The following PIEZO2 variants were observed in gnomAD, a reference collection of about 807,000 sequenced individuals.
PIEZO2 encodes piezo-type mechanosensitive ion channel component 2.
Under a neutral mutation model 337.3 loss-of-function variants are expected in PIEZO2, and 172 were observed. The ratio of observed to expected loss-of-function variants is 0.51; its 90% CI spans 0.45 to 0.58. The LOEUF (loss-of-function observed/expected upper bound fraction) is 0.58, where lower values mean the gene tolerates loss of function less well. PIEZO2 is among the 20% of genes least tolerant of loss of function. The pLI is 0.00. For missense variants in PIEZO2, 3,028 were observed against 3,391.3 expected (o/e 0.89, Z 2.66); for synonymous variants, 1,251 against 1,228.5 (o/e 1.02, Z -0.38).
chr18:11,139,676 TACTC>T (rs959484803), intron 1 of PIEZO2, among the ~76,000 whole-genome samples: 3 of 152,340 alleles, frequency 2.0e-5, no homozygotes, highest in Admixed American at 2.0e-4. Context: ...AGACACTTGT[TACTC>T]AAAGAAATGG....
intron 3 of PIEZO2, among the ~76,000 whole-genome samples, chr18:10,912,727 A>C (rs949714270): frequency 1.3e-5 from 2 of 152,204 alleles, no homozygotes; most frequent in Admixed American, 6.5e-5. Context: ...AATTCTCTGG[A>C]CTTCTCTAAG....
intron 7 of PIEZO2, 45 bp from the exon 8 acceptor site, chr18:10,807,319 T>C: frequency 2.7e-6 from 4 of 1,497,752 alleles, no homozygotes; most frequent in Non-Finnish European, 3.6e-6. Flanking sequence ...CAATAAGCTA[T>C]ATGTCTCCAA....
intron 1 of PIEZO2, among the ~76,000 whole-genome samples, chr18:11,123,303 T>C (rs149252935): frequency 2.0e-5 from 3 of 152,354 alleles, no homozygotes; most frequent in Non-Finnish European, 2.9e-5. Context: ...AAAGTGCTAA[T>C]TTAAATAGGG....
rs184107941 is a variant in PIEZO2 at position 10,876,221 on chromosome 18, G to C, written c.330-4806C>G. Among the ~76,000 whole-genome samples the C allele has an allele frequency of 3.8e-3, 572 of 152,212 alleles. 3 individuals carry two copies. The highest frequency in any genetic ancestry group is 6.5e-3 in the Non-Finnish European group (439 of 68,008). ...AAACAAAACAAAACAAGACAAAAGA[G>C]AAAAAAGAAACAGTCATTGGTCCAG... On this transcript the variant is annotated intron_variant, in intron 4 of 55. Transcript: ENST00000674853.
intron 1 of PIEZO2, among the ~76,000 whole-genome samples, chr18:11,113,258 AC>A (rs1359216835): frequency 6.6e-6 from 1 of 152,166 alleles, no homozygotes; most frequent in Non-Finnish European, 1.5e-5. Context: ...ACAGATGCAC[AC>A]CGTATTTACC....
rs961261804 is a variant in PIEZO2 at position 11,105,420 on chromosome 18, C to A, written c.65-39198G>T. On this transcript the variant is annotated intron_variant, in intron 1 of 55. Coordinates refer to ENST00000674853, the MANE Select transcript of PIEZO2 (RefSeq NM_001378183.1). This position sits in a 1 kb window ranked among gnomAD's most constrained non-coding sequence, Gnocchi z 4.3. ...CTATGGATATGTAATAGCTCAGAAA[C>A]GCATTCCAGCACCTCACATCTTCAT... 6.6e-6 allele frequency among the ~76,000 whole-genome samples: 1 copy of A among 152,136 alleles called. No homozygotes were observed. Among genetic ancestry groups the A allele is most frequent in the Non-Finnish European group, 1.5e-5 (1 of 68,044 alleles).
At position 10,715,665 on chromosome 18, in the gene PIEZO2, G is replaced by A. The variant is rs2035982407; in HGVS notation, c.5241C>T (p.Thr1747=). 6.5e-7 allele frequency: 1 copy of A among 1,532,310 alleles called. No homozygotes were observed. Among genetic ancestry groups the A allele is most frequent in the Non-Finnish European group, 8.7e-7 (1 of 1,145,204 alleles). The allele number at this position is 1,532,310 out of a possible 1,614,324, so 94.9% of individuals were successfully genotyped here. The change falls in exon 38 of 56, where the codon ACC becomes ACT. Residue 1747 remains threonine, a synonymous_variant. Transcript: ENST00000674853. ...TVLRIERCML[T]REIKKGNVPT... The stretch of plus-strand genomic sequence containing the variant: ...GCAGTGTTACCTTCTTAATTTCTCT[G>A]GTCAGCATGCATCGTTCAATTCTCA...
intron 4 of PIEZO2, among the ~76,000 whole-genome samples, chr18:10,900,178 TACACAC>T (rs56708718): frequency 0.039 from 5,760 of 148,418 alleles, 128 homozygotes; most frequent in Middle Eastern, 0.099. Context: ...TTACTTTTGT[TACACAC>T]ACACACACAC....
intron 2 of PIEZO2, among the ~76,000 whole-genome samples, chr18:11,055,525 T>G (rs890620096): frequency 6.6e-6 from 1 of 152,224 alleles, no homozygotes; most frequent in African/African-American, 2.4e-5. Flanking sequence ...ATTCAAAATC[T>G]GGGGAAGAGA....
chr18:11,009,006 T>A lies in PIEZO2; in HGVS notation c.161-29346A>T, dbSNP rs907277069. On this transcript the variant is annotated intron_variant, in intron 2 of 55. Transcript: ENST00000674853. The surrounding 1 kb of genome is among the most constrained non-coding windows in gnomAD (Gnocchi z 4.6). ...ATCTTTTTATACAATAAAAATGGCA[T>A]TTTTACTGACTTCTCATATTATCCT... Among the ~76,000 whole-genome samples the A allele has an allele frequency of 3.3e-5, 5 of 152,248 alleles. No individual in the cohort carries two copies. Among genetic ancestry groups the A allele is most frequent in the Admixed American group, 2.6e-4 (4 of 15,284 alleles).
intron 3 of PIEZO2, among the ~76,000 whole-genome samples, chr18:10,971,889 C>G (rs915582402): frequency 6.6e-6 from 1 of 152,112 alleles, no homozygotes; most frequent in Non-Finnish European, 1.5e-5. Context: ...GGCTCTGTTA[C>G]TCACTAATGA....
intron 3 of PIEZO2, among the ~76,000 whole-genome samples, chr18:10,974,610 G>C (rs555786920): frequency 6.6e-6 from 1 of 152,324 alleles, no homozygotes; most frequent in East Asian, 1.9e-4. Context: ...GCTCCGTAAA[G>C]ATGGGGGAAG....
chr18:11,106,418 C>CTCTTTTT (rs1555714750), intron 1 of PIEZO2, among the ~76,000 whole-genome samples: 31 of 129,596 alleles, frequency 2.4e-4, no homozygotes, highest in African/African-American at 6.9e-4. Flanking sequence ...TTTCCTCTCT[C>CTCTTTTT]TTTTTTTTTT....
chr18:10,876,866 T>C (rs1277727969), intron 4 of PIEZO2, among the ~76,000 whole-genome samples: 1 of 152,166 alleles, frequency 6.6e-6, no homozygotes, highest in African/African-American at 2.4e-5. Context: ...AAATGCCCTC[T>C]CAGGGGCTGC....
chr18:11,067,824 A>C (rs1228421042), intron 1 of PIEZO2, among the ~76,000 whole-genome samples: 7 of 152,260 alleles, frequency 4.6e-5, no homozygotes, highest in Non-Finnish European at 1.0e-4. Context: ...AAAATTAATA[A>C]GAAAACATCA....
intron 4 of PIEZO2, among the ~76,000 whole-genome samples, chr18:10,886,323 C>CATATATATAT (rs58335722): frequency 1.8e-3 from 48 of 26,364 alleles, no homozygotes; most frequent in African/African-American, 6.7e-3. Flanking sequence ...CCTATACATA[C>CATATATATAT]ATATATATAT....
intron 24 of PIEZO2, among the ~76,000 whole-genome samples, chr18:10,760,361 G>C (rs2038073666): frequency 6.6e-6 from 1 of 152,210 alleles, no homozygotes. Flanking sequence ...CTAGAGTGCA[G>C]TGGTGCAAAC....
chr18:10,758,464 G>C (rs1038836611), intron 26 of PIEZO2, among the ~76,000 whole-genome samples: 2 of 152,180 alleles, frequency 1.3e-5, no homozygotes, highest in Admixed American at 1.3e-4. Context: ...GTGTGTGTGT[G>C]AGACAGAGTC....
In PIEZO2 at chr18:11,077,971, G is replaced by A. The variant is rs906580066; in HGVS notation, c.65-11749C>T. ...GCAACTGGAAACAGCAATGGAAAAAGGGGTGACAGCCAAGGCCACAATACA... is the reference window on the plus strand; with the variant it reads ...GCAACTGGAAACAGCAATGGAAAAAAGGGTGACAGCCAAGGCCACAATACA... On this transcript the variant is annotated intron_variant, in intron 1 of 55. Coordinates refer to ENST00000674853, the MANE Select transcript of PIEZO2 (RefSeq NM_001378183.1). This position sits in a 1 kb window ranked among gnomAD's most constrained non-coding sequence, Gnocchi z 4.8. Among the ~76,000 whole-genome samples, 8 of 151,628 alleles carry A rather than the reference G, an allele frequency of 5.3e-5. No individual in the cohort carries two copies. The highest frequency in any genetic ancestry group is 5.3e-4 in the Admixed American group (8 of 15,184).
Sources: gnomAD v4.1 joint callset for allele counts (sites outside exome capture counted in the v4.1 genomes callset) on GRCh38, gnomAD v4.1.1 for gene constraint, Gnocchi (gnomAD v3.1) non-coding constraint, MANE v1.5 for transcripts, NCBI Gene and HGNC (gene_info 2026-07-23, HGNC 2026-07-21) for gene names.